Variants in PEAK1 observed in about 807,000 individuals in gnomAD.
The protein encoded by PEAK1 is pseudopodium enriched atypical kinase 1, also known as inactive tyrosine-protein kinase PEAK1.
In PEAK1, 54 loss-of-function variants were observed where a neutral mutation model predicts 124.7. That is an observed-to-expected ratio of 0.43 (90% confidence interval 0.35 to 0.54). The LOEUF (loss-of-function observed/expected upper bound fraction) is 0.54, where lower values mean the gene tolerates loss of function less well. PEAK1 is among the 20% of genes least tolerant of loss of function. PEAK1 has a pLI of 0.01. For synonymous variants in PEAK1, 719 were observed against 760.0 expected, an observed-to-expected ratio of 0.95 and a Z score of 0.89; for missense variants, 2,046 against 2,134.5, an observed-to-expected ratio of 0.96 and a Z score of 0.82.
At chr15:77,398,485 A>G (rs2071087095) in intron 1 of PEAK1, among the ~76,000 whole-genome samples, 1 of 152,236 alleles carries the variant, frequency 6.6e-6, no homozygotes, top group Non-Finnish European at 1.5e-5. Context: ...AATGTGATAC[A>G]CCATATTAAC....
intron 1 of PEAK1, among the ~76,000 whole-genome samples, chr15:77,382,308 C>T (rs1228235269): frequency 6.6e-6 from 1 of 152,242 alleles, no homozygotes; most frequent in Non-Finnish European, 1.5e-5. Context: ...TCTCATCCTT[C>T]ACCATGCTAC....
Position 77,152,491 on chromosome 15 carries a change from C to G in PEAK1, c.3331+6012G>C, listed in dbSNP as rs1380199342. 1.8e-3 allele frequency among the ~76,000 whole-genome samples: 267 copies of G among 152,104 alleles called. 7 individuals carry two copies. The East Asian group carries it at 0.042, about 24-fold the overall frequency. ...TGAATACCCTTTATTTCCTTCTCCT[C>G]CCTGATTGCCCTGGCCAGAACTTCC... On this transcript the variant is annotated intron_variant, in intron 8 of 9. Transcript: ENST00000682557.
chr15:77,403,292 A>G, intron 1 of PEAK1: 1 of 976,908 alleles, frequency 1.0e-6, no homozygotes, highest in Non-Finnish European at 1.2e-6. Context: ...TCTGAAGAAA[A>G]GCAGAGACAT....
chr15:77,237,365 C>T (rs2060167708), intron 6 of PEAK1, among the ~76,000 whole-genome samples: 1 of 151,854 alleles, frequency 6.6e-6, no homozygotes, highest in Non-Finnish European at 1.5e-5. Flanking sequence ...GGGCTCTTGG[C>T]ATCATACATT....
At position 77,114,446 on chromosome 15, in the gene PEAK1, A is replaced by T; in HGVS notation, c.4951T>A (p.Ser1651Thr). ...LASCLLNPNP[S>T]ERILISDAKG... The stretch of plus-strand genomic sequence containing the variant: ...GCGTCTGAAATGAGGATCCGCTCAG[A>T]AGGGTTGGGATTCAGGAGGCAGCTG... Residue 1651 changes from serine (S) to threonine (T), a missense_variant, in exon 10 of 10, where the codon TCT (serine) becomes ACT (threonine). By Grantham distance (58) the Ser-to-Thr change is moderately conservative. Coordinates refer to ENST00000682557, the MANE Select transcript of PEAK1 (RefSeq NM_001385026.1). 1 of 1,614,070 alleles carries T rather than the reference A, an allele frequency of 6.2e-7. No individual in the cohort carries two copies. The highest frequency in any genetic ancestry group is 8.5e-7 in the Non-Finnish European group (1 of 1,180,004).
intron 6 of PEAK1, among the ~76,000 whole-genome samples, chr15:77,184,096 G>A (rs993233385): frequency 1.3e-5 from 2 of 151,972 alleles, no homozygotes; most frequent in Non-Finnish European, 2.9e-5. Flanking sequence ...TCCCCAAAAT[G>A]TTGAGATTAC....
chr15:77,268,126 C>G (rs1052583376), intron 5 of PEAK1, among the ~76,000 whole-genome samples: 1 of 152,086 alleles, frequency 6.6e-6, no homozygotes, highest in Non-Finnish European at 1.5e-5. Context: ...AGTTTGCAGA[C>G]AAGGCTTTCG....
chr15:77,361,951 A>T (rs958014155), intron 2 of PEAK1, among the ~76,000 whole-genome samples: 9 of 152,156 alleles, frequency 5.9e-5, no homozygotes, highest in African/African-American at 2.2e-4. Flanking sequence ...TGAGACTGGG[A>T]CGTTATGCTA....
chr15:77,167,325 C>T (rs534391581), intron 7 of PEAK1, among the ~76,000 whole-genome samples: 1 of 152,280 alleles, frequency 6.6e-6, no homozygotes, highest in East Asian at 1.9e-4. Flanking sequence ...GATTATATTA[C>T]CTCCCAAAAG....
At chr15:77,203,350 T>C (rs12905361) in intron 6 of PEAK1, among the ~76,000 whole-genome samples, 14,097 of 152,194 alleles carry the variant, frequency 0.093, 728 homozygotes, top group Admixed American at 0.1. Context: ...ATCTGGGAAA[T>C]AGTAGCTGTG....
chr15:77,239,567 T>C (rs2060267292), intron 6 of PEAK1, among the ~76,000 whole-genome samples: 1 of 152,236 alleles, frequency 6.6e-6, no homozygotes, highest in Non-Finnish European at 1.5e-5. Context: ...ATATGCTTAT[T>C]AAATGTTAGC....
rs1404619305 is a variant in PEAK1 at position 77,114,863 on chromosome 15, C to T, written c.4534G>A (p.Val1512Ile). The T allele has an allele frequency of 1.9e-6, 3 of 1,613,732 alleles. No homozygotes were observed. The highest frequency in any genetic ancestry group is 2.5e-6 in the Non-Finnish European group (3 of 1,180,020). Residue 1512 changes from valine (V) to isoleucine (I), a missense_variant, in exon 10 of 10, where the codon GTC (valine) becomes ATC (isoleucine). By Grantham distance (29) the Val-to-Ile change is conservative. Coordinates refer to ENST00000682557, the MANE Select transcript of PEAK1 (RefSeq NM_001385026.1). Reference sequence around the variant, plus strand: ...TCTAGGCGTAGATCGCAGTGAGTGACATGGTAGGGTTTGAGGTGCTCAAGA... The same window carrying T: ...TCTAGGCGTAGATCGCAGTGAGTGATATGGTAGGGTTTGAGGTGCTCAAGA... ...SGLEHLKPYHVTHCDLRLENL... is the reference protein window; with the variant it reads ...SGLEHLKPYHITHCDLRLENL...
At chr15:77,321,745 G>A (rs965215676) in intron 2 of PEAK1, among the ~76,000 whole-genome samples, 1 of 152,180 alleles carries the variant, frequency 6.6e-6, no homozygotes, top group Non-Finnish European at 1.5e-5. Context: ...CCTATGTCCT[G>A]AATGGTATTG....
At chr15:77,201,475 T>A (rs1028105534) in intron 6 of PEAK1, among the ~76,000 whole-genome samples, 3 of 152,054 alleles carry the variant, frequency 2.0e-5, no homozygotes, top group Admixed American at 1.3e-4. Context: ...CCTGACCTCG[T>A]GATCCTCCTG....
intron 6 of PEAK1, among the ~76,000 whole-genome samples, chr15:77,196,104 T>G (rs1326915538): frequency 1.3e-5 from 2 of 152,218 alleles, no homozygotes; most frequent in African/African-American, 4.8e-5. Context: ...TACAGACTCA[T>G]CAAGGTCATT....
At chr15:77,266,854 C>T (rs1377844311) in intron 5 of PEAK1, among the ~76,000 whole-genome samples, 1 of 152,114 alleles carries the variant, frequency 6.6e-6, no homozygotes, top group East Asian at 1.9e-4. Flanking sequence ...AGCTGGATTG[C>T]TGCTGTAGGC....
intron 6 of PEAK1, among the ~76,000 whole-genome samples, chr15:77,230,604 C>G (rs1348879395): frequency 6.6e-6 from 1 of 151,954 alleles, no homozygotes; most frequent in African/African-American, 2.4e-5. Flanking sequence ...ATTTATCAAA[C>G]AACAAGAAGT....
chr15:77,158,572 C>T lies in PEAK1; in HGVS notation c.3262G>A (p.Glu1088Lys). 1 of 1,614,190 alleles carries T rather than the reference C, an allele frequency of 6.2e-7. No homozygotes were observed. The highest frequency in any genetic ancestry group is 8.5e-7 in the Non-Finnish European group (1 of 1,180,010). Residue 1088 changes from glutamate (E) to lysine (K), a missense_variant, in exon 8 of 10, where the codon GAA (glutamate) becomes AAA (lysine). Coordinates refer to ENST00000682557, the MANE Select transcript of PEAK1 (RefSeq NM_001385026.1). ...TCTGAAATGTCTTCTTTTCCATCTT[C>T]CCTTTCCAGTTCAGGTAGGGACAAT... ...TALSLPELER[E>K]DGKEDISDPM... is the part of the protein sequence containing the mutation.
At chr15:77,358,544 C>T (rs2067674158) in intron 2 of PEAK1, among the ~76,000 whole-genome samples, 1 of 152,200 alleles carries the variant, frequency 6.6e-6, no homozygotes, top group Non-Finnish European at 1.5e-5. Context: ...CTTTTCGAAA[C>T]ACTCTAATCT....
Sources: gnomAD v4.1 joint callset for allele counts (sites outside exome capture counted in the v4.1 genomes callset) on GRCh38, gnomAD v4.1.1 for gene constraint, MANE v1.5 for transcripts, NCBI Gene and HGNC (gene_info 2026-07-23, HGNC 2026-07-21) for gene names.